EDIL3: variants seen among roughly 807,000 people sequenced by gnomAD.
EDIL3 encodes EGF like and discoidin domains 3, also known as EGF-like repeat and discoidin I-like domain-containing protein 3.
Under a neutral mutation model 67.4 loss-of-function variants are expected in EDIL3, and 37 were observed. The observed-to-expected ratio is 0.55, with a 90% CI of 0.42 to 0.72. The LOEUF (loss-of-function observed/expected upper bound fraction) is 0.72. EDIL3 is among the 30% of genes least tolerant of loss of function. EDIL3 has a pLI of 0.00. For synonymous variants in EDIL3, 195 were observed against 196.3 expected, an observed-to-expected ratio of 0.99 and a Z score of 0.05; for missense variants, 527 against 586.3, an observed-to-expected ratio of 0.90 and a Z score of 1.04.
intron 6 of EDIL3, among the ~76,000 whole-genome samples, chr5:84,104,869 A>G (rs1747429899): frequency 6.6e-6 from 1 of 152,052 alleles, no homozygotes; most frequent in Non-Finnish European, 1.5e-5. Flanking sequence ...TGAAACATTA[A>G]TAAGGTGTTT....
At chr5:83,966,846 G>A (rs1452676982) in intron 9 of EDIL3, among the ~76,000 whole-genome samples, 2 of 152,032 alleles carry the variant, frequency 1.3e-5, no homozygotes, top group African/African-American at 2.4e-5. Flanking sequence ...AGAATATCTT[G>A]TTAGAAGGAA....
intron 1 of EDIL3, among the ~76,000 whole-genome samples, chr5:84,304,947 A>G (rs1414767890): frequency 2.6e-5 from 4 of 152,248 alleles, no homozygotes; most frequent in Non-Finnish European, 5.9e-5. Flanking sequence ...ATCTTCATCA[A>G]TATAATCCCA....
chr5:83,947,379 G>T (rs1387698982), intron 10 of EDIL3, among the ~76,000 whole-genome samples: 1 of 150,786 alleles, frequency 6.6e-6, no homozygotes, highest in South Asian at 2.1e-4. Flanking sequence ...CTGTGTGTGT[G>T]TGTGTGTGTG....
intron 10 of EDIL3, among the ~76,000 whole-genome samples, chr5:83,951,426 T>C (rs1336303304): frequency 6.6e-6 from 1 of 151,840 alleles, no homozygotes; most frequent in Non-Finnish European, 1.5e-5. Flanking sequence ...AATTCTTTAC[T>C]ACACCACAAA....
intron 2 of EDIL3, among the ~76,000 whole-genome samples, chr5:84,245,603 C>A (rs866335969): frequency 3.3e-5 from 5 of 152,064 alleles, no homozygotes; most frequent in Middle Eastern, 3.5e-3. Flanking sequence ...AAGATGAAAT[C>A]AAGTAACAGA....
chr5:84,047,827 C>T (rs1256574067), intron 9 of EDIL3: 2 of 152,236 alleles, frequency 1.3e-5, no homozygotes, highest in African/African-American at 4.8e-5. Flanking sequence ...ATTGGCTGCA[C>T]TTTTGTTTGC....
intron 7 of EDIL3, 21 bp downstream of exon 7, chr5:84,066,430 A>C (rs1561420495): frequency 6.4e-7 from 1 of 1,566,960 alleles, no homozygotes; most frequent in Admixed American, 2.1e-5. Flanking sequence ...TTTTAAATTA[A>C]GTAGGTTAAA....
At chr5:84,278,077 T>C (rs184174097) in intron 1 of EDIL3, among the ~76,000 whole-genome samples, 7 of 152,318 alleles carry the variant, frequency 4.6e-5, no homozygotes, top group Non-Finnish European at 7.4e-5. Context: ...TAGTCTAGTC[T>C]GTTGTCTCTA....
intron 9 of EDIL3, among the ~76,000 whole-genome samples, chr5:84,038,469 T>C (rs1746063930): frequency 6.6e-6 from 1 of 152,210 alleles, no homozygotes; most frequent in Non-Finnish European, 1.5e-5. Flanking sequence ...AAATCCTTTT[T>C]ACATGGAACT....
chr5:84,272,924 C>T (rs1275694953), intron 1 of EDIL3, among the ~76,000 whole-genome samples: 2 of 152,076 alleles, frequency 1.3e-5, no homozygotes, highest in Admixed American at 6.6e-5. Context: ...TGTATGGTTA[C>T]CACATTGTGT....
intron 9 of EDIL3, among the ~76,000 whole-genome samples, chr5:84,001,668 T>A (rs1400952971): frequency 6.6e-6 from 1 of 152,096 alleles, no homozygotes; most frequent in Non-Finnish European, 1.5e-5. Flanking sequence ...ATCAACTATA[T>A]GCCAGCAAAT....
At chr5:84,309,263 A>G (rs1332667867) in intron 1 of EDIL3, among the ~76,000 whole-genome samples, 1 of 126,444 alleles carries the variant, frequency 7.9e-6, no homozygotes, top group Non-Finnish European at 1.7e-5. Context: ...CAACAATGCT[A>G]TCTTTCTTTG....
chr5:84,354,385 G>A (rs1303701937), intron 1 of EDIL3, among the ~76,000 whole-genome samples: 2 of 152,032 alleles, frequency 1.3e-5, no homozygotes, highest in African/African-American at 4.8e-5. Context: ...GGCCAGGCAC[G>A]GTGGCTCACA....
chr5:84,098,198 T>A (rs897276125), intron 6 of EDIL3, among the ~76,000 whole-genome samples: 9 of 151,866 alleles, frequency 5.9e-5, no homozygotes, highest in African/African-American at 2.2e-4. Context: ...ATGCTGAACA[T>A]ATAAATGTAA....
chr5:83,976,041 A>G (rs1056722505), intron 9 of EDIL3, among the ~76,000 whole-genome samples: 5 of 151,896 alleles, frequency 3.3e-5, no homozygotes, highest in African/African-American at 9.7e-5. Context: ...TTTATGTTAA[A>G]CAGAATCACT....
chr5:84,216,336 C>A (rs1744223935), intron 3 of EDIL3, among the ~76,000 whole-genome samples: 2 of 152,142 alleles, frequency 1.3e-5, no homozygotes, highest in African/African-American at 4.8e-5. Context: ...ATCAGAGAGG[C>A]ATTTAAAATA....
rs201551672 is a variant in EDIL3, at chr5:84,000,873, TAATA to T, written c.1138-37517_1138-37514del. On this transcript the variant is annotated intron_variant, in intron 9 of 10. Coordinates refer to ENST00000296591, the MANE Select transcript of EDIL3 (RefSeq NM_005711.5). ...AAACAATATGCTCCTCAATGACCAGTAATAAATAAATAAATAAATTTTATTTATT... is the reference window on the plus strand; with the variant it reads ...AAACAATATGCTCCTCAATGACCAGTAATAAATAAATAAATTTTATTTATT... Among the ~76,000 whole-genome samples, 1,107 of 151,618 alleles carry T rather than the reference TAATA, an allele frequency of 7.3e-3. 10 individuals carry two copies. The highest frequency in any genetic ancestry group is 0.025 in the African/African-American group (1,055 of 41,430).
chr5:83,988,246 AATAATGC>A (rs1745090221), intron 9 of EDIL3, among the ~76,000 whole-genome samples: 1 of 152,174 alleles, frequency 6.6e-6, no homozygotes, highest in African/African-American at 2.4e-5. Context: ...TGCTCAATAC[AATAATGC>A]ATAATTACAA....
chr5:84,257,728 T>A (rs377581433), intron 1 of EDIL3, among the ~76,000 whole-genome samples: 17 of 152,260 alleles, frequency 1.1e-4, no homozygotes, highest in Admixed American at 2.6e-4. Context: ...TATAAGTAGA[T>A]GTAGAATTAA....
Sources: gnomAD v4.1 joint callset for allele counts (sites outside exome capture counted in the v4.1 genomes callset) on GRCh38, gnomAD v4.1.1 for gene constraint, MANE v1.5 for transcripts, NCBI Gene and HGNC (gene_info 2026-07-23, HGNC 2026-07-21) for gene names.